FBXW10B: variants seen among roughly 807,000 people sequenced by gnomAD.
The protein encoded by FBXW10B is F-box and WD repeat domain containing 10B.
chr17:15,578,552 G>T, the FBXW10B span, among the ~76,000 whole-genome samples: 2 of 152,106 alleles, frequency 1.3e-5, no homozygotes, highest in Non-Finnish European at 2.9e-5. Flanking sequence ...CAACTATCTG[G>T]CTCAATCAGG....
chr17:15,577,518 A>G, the FBXW10B span, among the ~76,000 whole-genome samples: 1 of 152,242 alleles, frequency 6.6e-6, no homozygotes, highest in East Asian at 1.9e-4. Context: ...GAAAATGCCC[A>G]GATATTCTAA....
At chr17:15,575,434 T>C in the FBXW10B span, among the ~76,000 whole-genome samples, 1 of 149,172 alleles carries the variant, frequency 6.7e-6, no homozygotes, top group Non-Finnish European at 1.5e-5. Flanking sequence ...ATCTATTAAA[T>C]TCGCTGCTCC....
At chr17:15,589,011 A>C in the FBXW10B span, 5 of 1,611,536 alleles carry the variant, frequency 3.1e-6, no homozygotes, top group African/African-American at 6.8e-5. Context: ...TTGCCAACAC[A>C]TGGGTCGGAG....
the FBXW10B span, chr17:15,594,431 C>T: frequency 3.7e-6 from 1 of 271,266 alleles, no homozygotes; most frequent in Non-Finnish European, 7.1e-6. Flanking sequence ...AAGATTGCGC[C>T]ACTGCACTCC....
At chr17:15,593,480 C>T in the FBXW10B span, 2 of 1,614,178 alleles carry the variant, frequency 1.2e-6, no homozygotes, top group Non-Finnish European at 1.7e-6. Context: ...AGAGAAGGGA[C>T]ACGTCGAGCA....
chr17:15,572,633 A>G, the FBXW10B span: 1 of 151,868 alleles, frequency 6.6e-6, no homozygotes, highest in South Asian at 2.1e-4. Context: ...GAATGATAAT[A>G]CAGAACAATT....
the FBXW10B span, among the ~76,000 whole-genome samples, chr17:15,567,522 A>G: frequency 6.6e-6 from 1 of 152,124 alleles, no homozygotes; most frequent in East Asian, 1.9e-4. Context: ...TTACTTAGCC[A>G]TTGCCCATTG....
At chr17:15,566,145 A>G in the FBXW10B span, 9 of 1,609,514 alleles carry the variant, frequency 5.6e-6, no homozygotes, top group Non-Finnish European at 6.8e-6. Context: ...TTGGGTATGA[A>G]ATTGAAGGTC....
the FBXW10B span, among the ~76,000 whole-genome samples, chr17:15,613,271 G>A: frequency 2.0e-5 from 3 of 150,378 alleles, no homozygotes; most frequent in Admixed American, 1.3e-4. Context: ...TCCATATGAG[G>A]TTGATGCAGA....
chr17:15,593,303 A>T, the FBXW10B span: 1 of 1,610,294 alleles, frequency 6.2e-7, no homozygotes, highest in Non-Finnish European at 8.5e-7. Context: ...CAACAGAATC[A>T]CTCACAGTTC....
chr17:15,607,537 C>G, the FBXW10B span: 8 of 1,591,600 alleles, frequency 5.0e-6, no homozygotes, highest in African/African-American at 4.0e-5. Flanking sequence ...ATAACTCAAG[C>G]GTCCCTAGAG....
At chr17:15,569,369 G>T in the FBXW10B span, among the ~76,000 whole-genome samples, 4 of 150,226 alleles carry the variant, frequency 2.7e-5, no homozygotes, top group African/African-American at 9.8e-5. Context: ...GTTTTAATTT[G>T]CATTCCTCTG....
the FBXW10B span, chr17:15,618,846 G>C: frequency 1.0e-6 from 1 of 985,194 alleles, no homozygotes; most frequent in Non-Finnish European, 1.2e-6. Context: ...TGGTAAACAG[G>C]ATCGGGTGTC....
chr17:15,607,098 A>G, the FBXW10B span, among the ~76,000 whole-genome samples: 3 of 151,236 alleles, frequency 2.0e-5, no homozygotes, highest in Non-Finnish European at 4.4e-5. Context: ...TATGTGTAAT[A>G]TAACACCACT....
At chr17:15,608,202 C>G in the FBXW10B span, among the ~76,000 whole-genome samples, 1 of 144,274 alleles carries the variant, frequency 6.9e-6, no homozygotes, top group Admixed American at 7.2e-5. Context: ...CGCTCTGTCA[C>G]CAGGCTGGAG....
At chr17:15,602,748 C>G in the FBXW10B span, among the ~76,000 whole-genome samples, 4 of 119,000 alleles carry the variant, frequency 3.4e-5, 1 homozygote, top group Non-Finnish European at 6.6e-5. Context: ...CTGCCTCAGC[C>G]TCCCGAGTAG....
chr17:15,612,290 A>G, the FBXW10B span, among the ~76,000 whole-genome samples: 3 of 151,926 alleles, frequency 2.0e-5, no homozygotes, highest in Admixed American at 1.3e-4. Context: ...GGCGGATCAC[A>G]AGGTCAGGAG....
the FBXW10B span, chr17:15,593,587 C>A: frequency 1.6e-4 from 243 of 1,499,676 alleles, no homozygotes; most frequent in African/African-American, 3.1e-3. Context: ...TGTGATTGAG[C>A]GGCACTGGCC....
chr17:15,594,146 C>T, the FBXW10B span, among the ~76,000 whole-genome samples: 1 of 152,006 alleles, frequency 6.6e-6, no homozygotes, highest in East Asian at 1.9e-4. Flanking sequence ...AATAGTCATG[C>T]TGAGAATTAT....
Sources: gnomAD v4.1 joint callset for allele counts (sites outside exome capture counted in the v4.1 genomes callset) on GRCh38, gnomAD v4.1.1 for gene constraint, MANE v1.5 for transcripts, NCBI Gene and HGNC (gene_info 2026-07-23, HGNC 2026-07-21) for gene names.